The following ARSG variants were observed in gnomAD, a reference collection of about 807,000 sequenced individuals.
ARSG encodes arylsulfatase G.
In ARSG, 37 loss-of-function variants were observed where a neutral mutation model predicts 50.5. The observed-to-expected ratio is 0.73, with a 90% CI of 0.56 to 0.96. The LOEUF is 0.96. Ranked by LOEUF, ARSG falls within the 50% of genes least tolerant of loss-of-function variation. The pLI is 0.00. For missense variants in ARSG, 629 were observed against 675.3 expected (o/e 0.93, Z 0.76); for synonymous variants, 225 against 254.6 (o/e 0.88, Z 1.11).
At chr17:68,273,511 A>G (rs1025141473) in intron 1 of ARSG, among the ~76,000 whole-genome samples, 4 of 152,126 alleles carry the variant, frequency 2.6e-5, no homozygotes. Flanking sequence ...ATGAGCCACC[A>G]TGCTGGCTAC....
chr17:68,410,418 A>G (rs1336451924), intron 11 of ARSG, among the ~76,000 whole-genome samples: 1 of 148,406 alleles, frequency 6.7e-6, no homozygotes, highest in South Asian at 2.2e-4. Context: ...TATATGCTGG[A>G]TTACATTTAT....
intron 1 of ARSG, among the ~76,000 whole-genome samples, chr17:68,306,325 G>A (rs1207205401): frequency 3.9e-5 from 6 of 152,116 alleles, no homozygotes; most frequent in East Asian, 1.9e-4. Context: ...CCCGGGAGGC[G>A]GAGGTTTCAG....
At chr17:68,406,628 C>T (rs144095569) in intron 11 of ARSG, among the ~76,000 whole-genome samples, 3 of 152,230 alleles carry the variant, frequency 2.0e-5, no homozygotes, top group African/African-American at 4.8e-5. Flanking sequence ...TTTCTCTGAT[C>T]ATTAGTGACA....
Position 68,367,713 on chromosome 17 carries a change from T to C in ARSG, c.705-835T>C, listed in dbSNP as rs1390565649. On this transcript the variant is annotated intron_variant, in intron 6 of 11. Coordinates refer to ENST00000621439, the MANE Select transcript of ARSG (RefSeq NM_001267727.2). This position sits in a 1 kb window ranked among gnomAD's most constrained non-coding sequence, Gnocchi z 4.5. ...ACAGATCCCTGATCTAGATGTTACC[T>C]GGTGGTCATATGTGTCCTTGAAATT... Among the ~76,000 whole-genome samples, 1 of 152,246 alleles carries C rather than the reference T, an allele frequency of 6.6e-6. No individual in the cohort carries two copies. Among genetic ancestry groups the C allele is most frequent in the Admixed American group, 6.5e-5 (1 of 15,282 alleles).
intron 6 of ARSG, among the ~76,000 whole-genome samples, chr17:68,363,320 T>C (rs1359338144): frequency 6.6e-6 from 1 of 152,032 alleles, no homozygotes; most frequent in African/African-American, 2.4e-5. Flanking sequence ...GGTGAGGTGC[T>C]TGGGACACTG....
At chr17:68,389,287 G>A (rs982293182) in intron 9 of ARSG, among the ~76,000 whole-genome samples, 2 of 152,130 alleles carry the variant, frequency 1.3e-5, no homozygotes, top group Non-Finnish European at 2.9e-5. Context: ...GGTTTGCTGG[G>A]GGGCATCCCC....
chr17:68,269,049 C>G (rs1555747480), intron 1 of ARSG: 1 of 1,589,718 alleles, frequency 6.3e-7, no homozygotes. Flanking sequence ...TGGGCCCACC[C>G]CATCCCTCTC....
At chr17:68,351,502 G>A in intron 4 of ARSG, 73 bp from the exon 5 acceptor site, 4 of 788,344 alleles carry the variant, frequency 5.1e-6, no homozygotes, top group Non-Finnish European at 9.2e-6. Context: ...TTACATTTTT[G>A]TCGTGGGTGT....
intron 2 of ARSG, 58 bp from the exon 3 acceptor site, chr17:68,343,546 T>C (rs2078368701): frequency 6.8e-7 from 1 of 1,478,156 alleles, no homozygotes; most frequent in African/African-American, 1.4e-5. Context: ...CACTGCCTTT[T>C]CTTTTACTCT....
chr17:68,293,558 T>C (rs1355638919), intron 1 of ARSG, among the ~76,000 whole-genome samples: 1 of 152,074 alleles, frequency 6.6e-6, no homozygotes, highest in African/African-American at 2.4e-5. Flanking sequence ...TATATTTTAT[T>C]AATATTAATC....
chr17:68,406,396 TAG>T (rs1373865625), intron 11 of ARSG, among the ~76,000 whole-genome samples: 1 of 152,214 alleles, frequency 6.6e-6, no homozygotes, highest in Non-Finnish European at 1.5e-5. Flanking sequence ...GTCCTCTGGG[TAG>T]ATACCCAGTA....
rs7210707 is a variant in ARSG at position 68,299,454 on chromosome 17, A to G, written c.-551-7489A>G. The stretch of plus-strand genomic sequence containing the variant: ...AACCACTGATCAGGCTGAACATGAC[A>G]AGGGGAAAGATATGATGCATAAGGT... On this transcript the variant is annotated intron_variant, in intron 1 of 11. Coordinates refer to ENST00000621439, the MANE Select transcript of ARSG (RefSeq NM_001267727.2). 7.1e-3 allele frequency among the ~76,000 whole-genome samples: 1,084 copies of G among 152,150 alleles called. 15 individuals carry two copies. The highest frequency in any genetic ancestry group is 0.025 in the African/African-American group (1,050 of 41,514).
intron 1 of ARSG, among the ~76,000 whole-genome samples, chr17:68,275,877 G>A (rs138123103): frequency 0.013 from 1,905 of 151,724 alleles, 48 homozygotes; most frequent in African/African-American, 0.043. Context: ...CAGCTACTCG[G>A]GAGGCTAAGG....
chr17:68,433,464 T>G, the ARSG span: 1 of 1,613,870 alleles, frequency 6.2e-7, no homozygotes, highest in Non-Finnish European at 8.5e-7. Context: ...CGCGGAGTAC[T>G]TGCCTGTTGG....
At chr17:68,313,105 C>A in intron 2 of ARSG, among the ~76,000 whole-genome samples, 1 of 151,932 alleles carries the variant, frequency 6.6e-6, no homozygotes, top group South Asian at 2.1e-4. Context: ...ACTAAAAATA[C>A]AAAAAATTAG....
At position 68,307,418 on chromosome 17, in the gene ARSG, A is replaced by G. The variant is rs903048174; in HGVS notation, c.-76A>G. 2.6e-6 allele frequency: 3 copies of G among 1,170,350 alleles called. No individual in the cohort carries two copies. Among genetic ancestry groups the G allele is most frequent in the Non-Finnish European group, 3.7e-6 (3 of 800,564 alleles). 72.5% of individuals were successfully genotyped at this position (1,170,350 alleles called of 1,614,324 possible). On this transcript the variant is annotated 5_prime_UTR_variant, in exon 2 of 12. Coordinates refer to ENST00000621439, the MANE Select transcript of ARSG (RefSeq NM_001267727.2). Reference sequence around the variant, plus strand: ...GAGACTTCCTGCTTTGAAAGTGAGCAGAAAGGAAGCTCTCAGAAAAATCTC... The same window carrying G: ...GAGACTTCCTGCTTTGAAAGTGAGCGGAAAGGAAGCTCTCAGAAAAATCTC...
At chr17:68,407,759 AG>A in intron 11 of ARSG, among the ~76,000 whole-genome samples, 1 of 152,116 alleles carries the variant, frequency 6.6e-6, no homozygotes, top group South Asian at 2.1e-4. Context: ...TTTCTGGAGG[AG>A]TCTTTAGGGT....
intron 9 of ARSG, among the ~76,000 whole-genome samples, chr17:68,388,935 A>G (rs548368201): frequency 2.6e-5 from 4 of 151,550 alleles, no homozygotes; most frequent in Non-Finnish European, 4.4e-5. Context: ...AAAAAAAAAA[A>G]AAAAAAAAAA....
At chr17:68,370,565 C>T in intron 8 of ARSG, 41 bp downstream of exon 8, 1 of 1,584,894 alleles carries the variant, frequency 6.3e-7, no homozygotes, top group African/African-American at 1.3e-5. Flanking sequence ...CATTGCAATG[C>T]TGAGCCCAGG....
Sources: gnomAD v4.1 joint callset for allele counts (sites outside exome capture counted in the v4.1 genomes callset) on GRCh38, gnomAD v4.1.1 for gene constraint, Gnocchi (gnomAD v3.1) non-coding constraint, MANE v1.5 for transcripts, NCBI Gene and HGNC (gene_info 2026-07-23, HGNC 2026-07-21) for gene names.